Variants in FAM13B observed in about 807,000 individuals in gnomAD.
FAM13B encodes the protein protein FAM13B.
A neutral mutation model predicts 117.3 loss-of-function variants in FAM13B; 60 were observed. That is an observed-to-expected ratio of 0.51 (90% confidence interval 0.42 to 0.63). The LOEUF is 0.63. Among genes scored for constraint, FAM13B ranks in the 30% least tolerant of loss-of-function variants. FAM13B has a pLI of 0.00. For synonymous variants in FAM13B, 332 were observed against 356.1 expected (o/e 0.93, Z 0.76); for missense variants, 972 against 1,091.9 (o/e 0.89, Z 1.55).
rs753567805 is a variant in FAM13B at position 137,959,753 on chromosome 5, C to T, written c.1304G>A (p.Ser435Asn). 3 of 1,613,504 alleles carry T rather than the reference C, an allele frequency of 1.9e-6. No homozygotes were observed. The South Asian group carries it at 3.3e-5, about 18-fold the overall frequency. ...KLSHLILDSS[S>N]KICDLNANTE... ...GTTGGCATTCAAATCACATATCTTG[C>T]TACTAGAATCCTGTATTTTAAAATA... Residue 435 changes from serine to asparagine, a missense_variant, in exon 13 of 24, where the codon AGC (serine) becomes AAC (asparagine). Physicochemically the swap from Ser to Asn is conservative, Grantham distance 46 (BLOSUM62 1). Transcript: ENST00000689681.
rs149593352 is a variant in FAM13B, at chr5:137,960,183, A to G, written c.1276T>C (p.Leu426=). The G allele has an allele frequency of 2.9e-4, 452 of 1,534,470 alleles. 7 individuals are homozygous for G. In the South Asian group the frequency reaches 3.5e-3, roughly 12 times the overall value. The change falls in exon 12 of 24, where the codon TTG becomes CTG. Residue 426 remains leucine (L), a synonymous_variant. Transcript: ENST00000689681. Reference sequence around the variant, plus strand: ...GTTCTTACCAGAATCAAGTGTGACAATTTATCACTGTCAAATAACAAATAT... The same window carrying G: ...GTTCTTACCAGAATCAAGTGTGACAGTTTATCACTGTCAAATAACAAATAT... ...EEYLLFDSDK[L]SHLILDSSSK...
intron 7 of FAM13B, among the ~76,000 whole-genome samples, chr5:137,990,394 G>A (rs923888476): frequency 6.6e-6 from 1 of 152,114 alleles, no homozygotes; most frequent in African/African-American, 2.4e-5. Flanking sequence ...TCCTGAAGAA[G>A]CTCTCTAATT....
chr5:138,003,589 G>A (rs1239577376), intron 7 of FAM13B, among the ~76,000 whole-genome samples: 2 of 152,088 alleles, frequency 1.3e-5, no homozygotes, highest in Non-Finnish European at 2.9e-5. Context: ...CCAACATTTT[G>A]GTAATAGCCC....
chr5:137,975,216 TC>T (rs1247651653), intron 10 of FAM13B, among the ~76,000 whole-genome samples: 1 of 152,142 alleles, frequency 6.6e-6, no homozygotes, highest in African/African-American at 2.4e-5. Context: ...AACTCATACA[TC>T]CTGTCCAACT....
At chr5:137,981,788 G>GA (rs546850184) in intron 10 of FAM13B, among the ~76,000 whole-genome samples, 193 of 140,786 alleles carry the variant, frequency 1.4e-3, no homozygotes, top group African/African-American at 1.4e-3. Context: ...TCCATCTCAG[G>GA]AAAAAAAAAA....
intron 1 of FAM13B, chr5:138,039,243 C>A (rs550952678): frequency 6.6e-6 from 1 of 152,316 alleles, no homozygotes; most frequent in African/African-American, 2.4e-5. Context: ...CCTTTCTCTT[C>A]TTCCCTCTGC....
At chr5:138,012,990 G>C (rs1039958139) in intron 4 of FAM13B, among the ~76,000 whole-genome samples, 1 of 148,688 alleles carries the variant, frequency 6.7e-6, no homozygotes, top group African/African-American at 2.5e-5. Context: ...CATCACCTGA[G>C]CTCAGGAGTT....
intron 1 of FAM13B, among the ~76,000 whole-genome samples, chr5:138,042,819 C>T (rs1391042256): frequency 1.3e-5 from 2 of 152,058 alleles, no homozygotes; most frequent in Admixed American, 6.6e-5. Flanking sequence ...GGGCCAGGCG[C>T]GGTGGGTCAT....
chr5:137,964,968 A>G (rs1265048287), intron 10 of FAM13B, among the ~76,000 whole-genome samples: 2 of 152,072 alleles, frequency 1.3e-5, no homozygotes, highest in Non-Finnish European at 2.9e-5. Flanking sequence ...GGAGTTCAAG[A>G]CCAGCCTGGC....
intron 23 of FAM13B, 138 bp downstream of exon 23, chr5:137,941,806 A>G (rs1452633847): frequency 7.4e-6 from 5 of 674,970 alleles, no homozygotes; most frequent in Non-Finnish European, 1.3e-5. Context: ...CTCAGAGCAT[A>G]AAGGAATGTT....
intron 7 of FAM13B, among the ~76,000 whole-genome samples, chr5:137,995,163 A>G (rs1400966821): frequency 6.6e-6 from 1 of 152,240 alleles, no homozygotes; most frequent in East Asian, 1.9e-4. Context: ...TCCTACACAC[A>G]GTAGAGCTGT....
intron 10 of FAM13B, among the ~76,000 whole-genome samples, chr5:137,980,947 G>A (rs983425246): frequency 2.1e-4 from 32 of 149,338 alleles, no homozygotes; most frequent in Admixed American, 4.0e-4. Context: ...GGGTCTCACC[G>A]TGTCGCCCAG....
At chr5:138,011,267 C>T in intron 5 of FAM13B, 118 bp from the exon 6 acceptor site, 1 of 909,554 alleles carries the variant, frequency 1.1e-6, no homozygotes, top group Middle Eastern at 2.7e-4. Context: ...TTCTGTGCTT[C>T]CATTCTCCCA....
chr5:138,015,158 C>T (rs1255721962), intron 4 of FAM13B, among the ~76,000 whole-genome samples: 2 of 152,152 alleles, frequency 1.3e-5, no homozygotes, highest in Non-Finnish European at 2.9e-5. Context: ...AGGGATGCTG[C>T]TAAACATCCT....
rs533970368 is a variant in FAM13B, at chr5:138,013,297, C to T, written c.371-1352G>A. Among the ~76,000 whole-genome samples the T allele has an allele frequency of 3.9e-5, 6 of 152,004 alleles. No homozygotes were observed. In the East Asian group the frequency reaches 1.2e-3, roughly 29 times the overall value. On this transcript the variant is annotated intron_variant, in intron 4 of 23. Transcript: ENST00000689681. ...CAGGTGGATCATAAGGTCAGGAGAT[C>T]GAGACCATCCTGGCTAACACAGTGA... is the stretch of plus-strand genomic sequence containing the variant.
chr5:137,964,076 T>G (rs6860648), intron 10 of FAM13B, among the ~76,000 whole-genome samples: 2 of 151,542 alleles, frequency 1.3e-5, no homozygotes, highest in Non-Finnish European at 2.9e-5. Context: ...CTTAAAAAAA[T>G]TTTTTGAGAC....
intron 1 of FAM13B, among the ~76,000 whole-genome samples, chr5:138,049,454 G>C (rs537926225): frequency 1.3e-5 from 2 of 150,082 alleles, no homozygotes; most frequent in Non-Finnish European, 3.0e-5. Flanking sequence ...TTTTTTTTTA[G>C]TAGAGGTGGG....
At chr5:137,988,246 AT>A in intron 8 of FAM13B, 27 bp downstream of exon 8, 3 of 1,502,680 alleles carry the variant, frequency 2.0e-6, no homozygotes, top group Non-Finnish European at 8.9e-7. Flanking sequence ...AATCTTAAAA[AT>A]TTGTCTTCTA....
chr5:137,957,047 T>C (rs1766769776), intron 13 of FAM13B, among the ~76,000 whole-genome samples: 1 of 152,188 alleles, frequency 6.6e-6, no homozygotes, highest in Admixed American at 6.5e-5. Flanking sequence ...TAACTACTAC[T>C]GCATTCTGCT....
Sources: gnomAD v4.1 joint callset for allele counts (sites outside exome capture counted in the v4.1 genomes callset) on GRCh38, gnomAD v4.1.1 for gene constraint, MANE v1.5 for transcripts, NCBI Gene and HGNC (gene_info 2026-07-23, HGNC 2026-07-21) for gene names.